The following ARHGEF37 variants were observed in gnomAD, a reference collection of about 807,000 sequenced individuals.
ARHGEF37 encodes the protein Rho guanine nucleotide exchange factor 37, also known as Rho guanine nucleotide exchange factor (GEF) 37.
Under a neutral mutation model 71.1 loss-of-function variants are expected in ARHGEF37, and 55 were observed. The ratio of observed to expected loss-of-function variants is 0.77; its 90% CI spans 0.62 to 0.97. The LOEUF (loss-of-function observed/expected upper bound fraction) is 0.97, where lower values mean the gene tolerates loss of function less well. Among genes scored for constraint, ARHGEF37 ranks in the 50% least tolerant of loss-of-function variants. The probability of loss-of-function intolerance (pLI) is 0.00; values close to 1 mark genes in which losing one functional copy is unlikely to be tolerated. For synonymous variants in ARHGEF37, 327 were observed against 350.6 expected (o/e 0.93, Z 0.75); for missense variants, 765 against 836.8 (o/e 0.91, Z 1.06).
In ARHGEF37 at chr5:149,626,779, G is replaced by A. The variant is rs745857230; in HGVS notation, c.1465-297G>A. 7 of 249,324 alleles carry A rather than the reference G, an allele frequency of 2.8e-5. No individual in the cohort carries two copies. The East Asian group carries it at 4.5e-4, about 16-fold the overall frequency. 15.4% of individuals were successfully genotyped at this position (249,324 alleles called of 1,614,324 possible). A position where few individuals can be genotyped will look rare whatever the true frequency, so the allele number is the denominator to read the frequency against. On this transcript the variant is annotated intron_variant, in intron 10 of 12. Transcript: ENST00000333677. The stretch of plus-strand genomic sequence containing the variant: ...CTGCTGTGGGATAACTTACCCTGAC[G>A]GTATGGGCAGAATTTAGGGCCCAAT...
intron 3 of ARHGEF37, among the ~76,000 whole-genome samples, chr5:149,602,059 CTTTTT>C (rs3073461): frequency 7.0e-6 from 1 of 143,266 alleles, no homozygotes; most frequent in African/African-American, 2.6e-5. Context: ...TCTTTTCTTT[CTTTTT>C]TTTTTTTTTT....
At chr5:149,625,015 C>G (rs534567174) in intron 10 of ARHGEF37, among the ~76,000 whole-genome samples, 1 of 151,246 alleles carries the variant, frequency 6.6e-6, no homozygotes, top group African/African-American at 2.4e-5. Flanking sequence ...TCTTCTGCCT[C>G]AGCCCCCCGA....
At chr5:149,583,389 G>A (rs1561788106) in intron 1 of ARHGEF37, among the ~76,000 whole-genome samples, 1 of 152,226 alleles carries the variant, frequency 6.6e-6, no homozygotes. Flanking sequence ...GCCTACCTCG[G>A]CCTCCCAAAG....
rs1463475937 is a variant in ARHGEF37 at position 149,632,708 on chromosome 5, C to T, written c.*517C>T. On this transcript the variant is annotated 3_prime_UTR_variant, in exon 13 of 13. Coordinates refer to ENST00000333677, the MANE Select transcript of ARHGEF37 (RefSeq NM_001001669.3). ...TCTCTATGCTGGAAGCTGAGTTTAT[C>T]TTGGGCAGTGACCCACTGGGAGCCC... 6.3e-6 allele frequency: 1 copy of T among 159,554 alleles called. No individual in the cohort carries two copies. Among genetic ancestry groups the T allele is most frequent in the Non-Finnish European group, 1.4e-5 (1 of 71,650 alleles). The allele number at this position is 159,554 out of a possible 1,614,324, so 9.9% of individuals were successfully genotyped here.
At chr5:149,566,951 T>A (rs1762906352) in intron 1 of ARHGEF37, among the ~76,000 whole-genome samples, 1 of 152,220 alleles carries the variant, frequency 6.6e-6, no homozygotes, top group South Asian at 2.1e-4. Context: ...TATAACTGTA[T>A]TAATTTATCA....
At chr5:149,606,518 C>T (rs79751727) in intron 3 of ARHGEF37, 11,310 of 152,346 alleles carry the variant, frequency 0.074, 575 homozygotes, top group Admixed American at 0.11. Context: ...GCTGGGCTTC[C>T]TGTGGTCCCT....
rs7733761 is a variant in ARHGEF37 at position 149,620,476 on chromosome 5, C to T, written c.1005+12C>T. On this transcript the variant is annotated intron_variant, in intron 8 of 12. Coordinates refer to ENST00000333677, the MANE Select transcript of ARHGEF37 (RefSeq NM_001001669.3). ...CCTTCCTGAAATTTGTGAGTGGAAC[C>T]TTTCCTTTCTCCTTTCTTTGTTAGG... 863,243 of 1,570,694 alleles carry T rather than the reference C, an allele frequency of 0.55. 241,559 individuals carry two copies. Among genetic ancestry groups the T allele is most frequent in the East Asian group, 0.82 (36,350 of 44,198 alleles).
At chr5:149,599,381 G>A (rs1763684548) in intron 2 of ARHGEF37, among the ~76,000 whole-genome samples, 1 of 149,940 alleles carries the variant, frequency 6.7e-6, no homozygotes, top group Admixed American at 6.7e-5. Context: ...TCAGGCAGGG[G>A]AACCCAAAAG....
At chr5:149,612,522 T>C (rs1337144440) in intron 4 of ARHGEF37, among the ~76,000 whole-genome samples, 2 of 152,206 alleles carry the variant, frequency 1.3e-5, no homozygotes, top group Non-Finnish European at 2.9e-5. Context: ...ACCGTTGAAA[T>C]TGGGATTTAT....
intron 1 of ARHGEF37, among the ~76,000 whole-genome samples, chr5:149,564,475 A>G (rs1333574249): frequency 6.6e-6 from 1 of 152,126 alleles, no homozygotes; most frequent in Non-Finnish European, 1.5e-5. Context: ...CAGGACTACA[A>G]AACACCCTGG....
intron 3 of ARHGEF37, among the ~76,000 whole-genome samples, chr5:149,602,828 C>G (rs981305013): frequency 2.6e-5 from 4 of 152,066 alleles, no homozygotes; most frequent in Admixed American, 6.5e-5. Context: ...GATGAAGGTA[C>G]CCAGTACTGT....
intron 1 of ARHGEF37, among the ~76,000 whole-genome samples, chr5:149,569,298 AT>A (rs1183290524): frequency 6.6e-6 from 1 of 150,880 alleles, no homozygotes; most frequent in Non-Finnish European, 1.5e-5. Flanking sequence ...GTTTCTGTTT[AT>A]TTTTATTTAT....
chr5:149,625,185 G>A (rs10476742), intron 10 of ARHGEF37, among the ~76,000 whole-genome samples: 21,041 of 152,104 alleles, frequency 0.14, 1,692 homozygotes, highest in East Asian at 0.31. Context: ...AATTACAGGC[G>A]TGAGCCACCA....
chr5:149,604,265 A>C (rs1040746608), intron 3 of ARHGEF37, among the ~76,000 whole-genome samples: 4 of 152,368 alleles, frequency 2.6e-5, no homozygotes, highest in South Asian at 4.1e-4. Context: ...TAGGGTTTCC[A>C]GTTAAAATAT....
At chr5:149,612,465 C>T (rs1359200878) in intron 4 of ARHGEF37, among the ~76,000 whole-genome samples, 1 of 152,070 alleles carries the variant, frequency 6.6e-6, no homozygotes, top group Non-Finnish European at 1.5e-5. Flanking sequence ...TGGCGCCTGG[C>T]CTAAACCTGA....
intron 1 of ARHGEF37, among the ~76,000 whole-genome samples, chr5:149,564,795 G>A (rs991065211): frequency 6.6e-6 from 1 of 152,174 alleles, no homozygotes. Flanking sequence ...TTGCACTCCA[G>A]CCTGGGCAAC....
chr5:149,599,803 C>G (rs1763700481), intron 2 of ARHGEF37, among the ~76,000 whole-genome samples: 1 of 152,198 alleles, frequency 6.6e-6, no homozygotes, highest in Admixed American at 6.5e-5. Flanking sequence ...AGTCTTGACA[C>G]ATAAATAACA....
intron 1 of ARHGEF37, among the ~76,000 whole-genome samples, chr5:149,595,945 A>AT (rs34343291): frequency 0.069 from 9,497 of 137,868 alleles, 929 homozygotes; most frequent in African/African-American, 0.22. Flanking sequence ...GGATAGCTGC[A>AT]TTTTTTTTTT....
chr5:149,629,951 A>G (rs901632811), intron 12 of ARHGEF37, among the ~76,000 whole-genome samples: 5 of 151,274 alleles, frequency 3.3e-5, no homozygotes, highest in Admixed American at 2.0e-4. Context: ...AAAAGGCCAC[A>G]TAGGATTCCA....
Sources: allele counts gnomAD v4.1 joint callset (sites outside exome capture counted in the v4.1 genomes callset), GRCh38; gene constraint gnomAD v4.1.1; transcripts MANE v1.5; gene names NCBI Gene and HGNC (gene_info 2026-07-23, HGNC 2026-07-21).